The following LSMEM2 variants were observed in gnomAD, a reference collection of about 807,000 sequenced individuals.
LSMEM2 encodes leucine rich single-pass membrane protein 2.
In LSMEM2, 20 loss-of-function variants were observed where a neutral mutation model predicts 17.3. That is an observed-to-expected ratio of 1.16 (90% CI 0.81 to 1.68). The LOEUF is 1.68. Among genes scored for constraint, LSMEM2 ranks in the 40% most tolerant of loss-of-function variants. The probability of loss-of-function intolerance (pLI) is 0.00; values close to 1 mark genes in which losing one functional copy is unlikely to be tolerated. For missense variants in LSMEM2, 207 were observed against 214.3 expected (o/e 0.97, Z 0.21); for synonymous variants, 94 against 97.8 (o/e 0.96, Z 0.23).
chr3:50,279,439 G>T (rs1377620513), intron 1 of LSMEM2, among the ~76,000 whole-genome samples: 9 of 152,196 alleles, frequency 5.9e-5, no homozygotes, highest in African/African-American at 1.7e-4. Context: ...AGTTAGGAGT[G>T]GGTCAACTAC....
chr3:50,286,858 G>A lies in LSMEM2; in HGVS notation c.357G>A (p.Leu119=), dbSNP rs782535886. ...CLVLALLAVY[L]SVLQSESLRI... ...TGCTCGCACTCCTGGCTGTCTACCT[G>A]AGCGGTATGGACGCATAGGGTGCTA... Residue 119 remains leucine, a synonymous_variant, in exon 3 of 4, where the codon CTG becomes CTA. Transcript: ENST00000316436. 1.9e-6 allele frequency: 3 copies of A among 1,613,546 alleles called. No individual in the cohort carries two copies. The highest frequency in any genetic ancestry group is 1.1e-5 in the South Asian group (1 of 91,070).
At chr3:50,286,647 C>G (rs782142597) in intron 2 of LSMEM2, 27 bp from the exon 3 acceptor site, 2 of 1,611,280 alleles carry the variant, frequency 1.2e-6, no homozygotes, top group Non-Finnish European at 1.7e-6. Context: ...GTGCACCCAC[C>G]ACCCTCCCAA....
At chr3:50,286,624 G>A (rs782097723) in intron 2 of LSMEM2, 40 bp downstream of exon 2, 5 of 1,611,248 alleles carry the variant, frequency 3.1e-6, no homozygotes, top group Non-Finnish European at 4.2e-6. Flanking sequence ...GCTGGGGGAG[G>A]GGACGAAAGC....
At chr3:50,282,052 C>T (rs868946561) in intron 1 of LSMEM2, among the ~76,000 whole-genome samples, 1 of 152,122 alleles carries the variant, frequency 6.6e-6, no homozygotes, top group South Asian at 2.1e-4. Context: ...TGGGGTTTCA[C>T]CATGTTGACC....
At chr3:50,278,843 T>C (rs1437707813), upstream of LSMEM2, among the ~76,000 whole-genome samples, 1 of 152,156 alleles carries the variant, frequency 6.6e-6, no homozygotes, top group African/African-American at 2.4e-5. Flanking sequence ...GTGGCCATTC[T>C]GGATGTATGG....
Position 50,288,011 on chromosome 3 carries a change from G to A in LSMEM2, c.*809G>A, listed in dbSNP as rs1701589372. 1.6e-6 allele frequency: 1 copy of A among 616,430 alleles called. No individual in the cohort carries two copies. The allele number at this position is 616,430 out of a possible 1,614,324, so 38.2% of individuals were successfully genotyped here. A position where few individuals can be genotyped will look rare whatever the true frequency, so the allele number is the denominator to read the frequency against. On this transcript the variant is annotated 3_prime_UTR_variant, in exon 4 of 4. Transcript: ENST00000316436. ...GAAGGGGCCACAGGGCTGAGTGCAG[G>A]GACAAAGGGGTCAGGGTCCCAAGTG...
At chr3:50,281,359 C>CAGGGAA (rs1553707751) in intron 1 of LSMEM2, among the ~76,000 whole-genome samples, 3 of 116,860 alleles carry the variant, frequency 2.6e-5, no homozygotes, top group African/African-American at 1.0e-4. Flanking sequence ...TGCGCCCGGC[C>CAGGGAA]CTTTTTTTTT....
chr3:50,287,494 C>T lies in LSMEM2; in HGVS notation c.*292C>T, dbSNP rs1299588402. 4.3e-6 allele frequency: 2 copies of T among 467,258 alleles called. No homozygotes were observed. The highest frequency in any genetic ancestry group is 3.9e-5 in the African/African-American group (2 of 51,088). The allele number at this position is 467,258 out of a possible 1,614,324, so 28.9% of individuals were successfully genotyped here. On this transcript the variant is annotated 3_prime_UTR_variant, in exon 4 of 4. Coordinates refer to ENST00000316436, the MANE Select transcript of LSMEM2 (RefSeq NM_153215.3). ...GGCCTGTCAACACTCTCTGGCCACC[C>T]CAGATGGCAGGTTCTGAAGTCTAGA...
intron 1 of LSMEM2, among the ~76,000 whole-genome samples, chr3:50,282,087 C>T (rs1280946541): frequency 6.6e-6 from 1 of 151,342 alleles, no homozygotes; most frequent in African/African-American, 2.4e-5. Flanking sequence ...CTCCTGACCT[C>T]GTGATCCGCC....
chr3:50,286,665 T>C lies in LSMEM2; in HGVS notation c.173-9T>C, dbSNP rs1701546583. The C allele has an allele frequency of 2.5e-6, 4 of 1,612,696 alleles. No individual in the cohort carries two copies. The highest frequency in any genetic ancestry group is 3.4e-6 in the Non-Finnish European group (4 of 1,178,948). On this transcript the variant is annotated splice_polypyrimidine_tract_variant and intron_variant, in intron 2 of 3. Coordinates refer to ENST00000316436, the MANE Select transcript of LSMEM2 (RefSeq NM_153215.3). Reference sequence around the variant, plus strand: ...CACCCACCACCCTCCCAATGTCCCATCCACCCAGCAGGCACACTGCGCCCC... The same window carrying C: ...CACCCACCACCCTCCCAATGTCCCACCCACCCAGCAGGCACACTGCGCCCC...
At chr3:50,278,302 A>G (rs1453330483), upstream of LSMEM2, among the ~76,000 whole-genome samples, 5 of 152,238 alleles carry the variant, frequency 3.3e-5, no homozygotes, top group African/African-American at 1.2e-4. Context: ...CCTCCTTTCA[A>G]GGTAAGCAGT....
chr3:50,285,610 AGCCTGGGC>A (rs1553708290), intron 1 of LSMEM2, among the ~76,000 whole-genome samples: 18 of 152,372 alleles, frequency 1.2e-4, no homozygotes, highest in African/African-American at 3.8e-4. Flanking sequence ...ATAGCACTCC[AGCCTGGGC>A]AATACAGGGA....
At chr3:50,285,809 T>G (rs782753201) in intron 1 of LSMEM2, among the ~76,000 whole-genome samples, 4 of 151,960 alleles carry the variant, frequency 2.6e-5, no homozygotes, top group Non-Finnish European at 5.9e-5. Context: ...GCCATTGCGC[T>G]CCAGCCTGGG....
rs77967087 is a variant in LSMEM2 at position 50,285,861 on chromosome 3, G to C, written c.59-610G>C. Among the ~76,000 whole-genome samples the C allele has an allele frequency of 1.1e-3, 161 of 152,274 alleles. 6 individuals are homozygous for C. The East Asian group carries it at 0.027, about 26-fold the overall frequency. Reference sequence around the variant, plus strand: ...CCGTCTCAAAAAAAAAAGGGGGGCGGGGACTGCAAACAACCTAGATGCCCA... The same window carrying C: ...CCGTCTCAAAAAAAAAAGGGGGGCGCGGACTGCAAACAACCTAGATGCCCA... On this transcript the variant is annotated intron_variant, in intron 1 of 3. Coordinates refer to ENST00000316436, the MANE Select transcript of LSMEM2 (RefSeq NM_153215.3).
intron 1 of LSMEM2, among the ~76,000 whole-genome samples, chr3:50,279,375 C>A (rs1575480036): frequency 6.6e-6 from 1 of 152,180 alleles, no homozygotes. Flanking sequence ...CACCTCAGGC[C>A]CTGCTTCAGT....
Position 50,286,741 on chromosome 3 carries a change from G to A in LSMEM2, c.240G>A (p.Pro80=), listed in dbSNP as rs782552576. ...GGGATGAGCTGCTGGGCGTTTTGCCGCCGTCACTGTGTGCCCAGGCTGGCT... is the reference window on the plus strand; with the variant it reads ...GGGATGAGCTGCTGGGCGTTTTGCCACCGTCACTGTGTGCCCAGGCTGGCT... The part of the protein sequence containing the change: ...RPWDELLGVL[P]PSLCAQAGCS... Residue 80 remains proline, a synonymous_variant, in exon 3 of 4, where the codon CCG becomes CCA. Coordinates refer to ENST00000316436, the MANE Select transcript of LSMEM2 (RefSeq NM_153215.3). 36 of 1,614,104 alleles carry A rather than the reference G, an allele frequency of 2.2e-5. No homozygotes were observed. The highest frequency in any genetic ancestry group is 5.0e-5 in the Admixed American group (3 of 60,010).
chr3:50,283,622 A>G lies in LSMEM2; in HGVS notation c.59-2849A>G, dbSNP rs751784407. ...AGCCTGGGCGGCAGAGCGAGACTCC[A>G]TCTCAAAAAAAAAAAAAAAAAAAAA... On this transcript the variant is annotated intron_variant, in intron 1 of 3. Transcript: ENST00000316436. Among the ~76,000 whole-genome samples the G allele has an allele frequency of 1.3e-3, 158 of 117,972 alleles. 1 individual carries two copies. The Middle Eastern group carries it at 0.047, about 35-fold the overall frequency. The allele number at this position is 117,972 out of a possible 152,430, so 77.4% of individuals were successfully genotyped here.
At position 50,286,599 on chromosome 3, in the gene LSMEM2, TG is replaced by T; in HGVS notation, c.172+19del. 6.2e-7 allele frequency: 1 copy of T among 1,611,398 alleles called. No homozygotes were observed. The highest frequency in any genetic ancestry group is 8.5e-7 in the Non-Finnish European group (1 of 1,178,648). On this transcript the variant is annotated intron_variant, in intron 2 of 3. Coordinates refer to ENST00000316436, the MANE Select transcript of LSMEM2 (RefSeq NM_153215.3). ...ACATAGTGGAGGTGAGTGGGGACAG[TG>T]GGGTGGATGATGTGCTGGGGGAGGG...
intron 1 of LSMEM2, among the ~76,000 whole-genome samples, chr3:50,279,479 G>A (rs587608120): frequency 5.9e-5 from 9 of 152,318 alleles, no homozygotes; most frequent in Admixed American, 2.0e-4. Flanking sequence ...GTGGGCATCC[G>A]GTCAGCTGCC....
Sources: allele counts gnomAD v4.1 joint callset (sites outside exome capture counted in the v4.1 genomes callset), GRCh38; gene constraint gnomAD v4.1.1; transcripts MANE v1.5; gene names NCBI Gene and HGNC (gene_info 2026-07-23, HGNC 2026-07-21).